FRMD3: variants seen among roughly 807,000 people sequenced by gnomAD.
FRMD3 encodes FERM domain containing 3.
Under a neutral mutation model 70.2 loss-of-function variants are expected in FRMD3, and 33 were observed. The ratio of observed to expected loss-of-function variants is 0.47; its 90% CI spans 0.36 to 0.63. The LOEUF is 0.63. Ranked by LOEUF, FRMD3 falls within the 20% of genes least tolerant of loss-of-function variation. The pLI, the probability that FRMD3 is intolerant of heterozygous loss-of-function variation, is 0.00. For missense variants in FRMD3, 632 were observed against 711.4 expected, an observed-to-expected ratio of 0.89 and a Z score of 1.27; for synonymous variants, 279 against 255.9, an observed-to-expected ratio of 1.09 and a Z score of -0.86.
chr9:83,340,128 G>A (rs12001540), intron 5 of FRMD3, among the ~76,000 whole-genome samples: 32,328 of 152,000 alleles, frequency 0.21, 3,820 homozygotes, highest in Non-Finnish European at 0.26. Context: ...ATTGCTTGAG[G>A]TCAGAGTTTG....
chr9:83,285,801 G>A (rs572384762), intron 13 of FRMD3, among the ~76,000 whole-genome samples: 1 of 152,254 alleles, frequency 6.6e-6, no homozygotes, highest in South Asian at 2.1e-4. Context: ...TTTTCACCTA[G>A]AACAATTCCC....
intron 6 of FRMD3, among the ~76,000 whole-genome samples, chr9:83,328,870 T>C (rs891697486): frequency 9.2e-5 from 14 of 152,208 alleles, no homozygotes; most frequent in African/African-American, 2.7e-4. Context: ...TTCACTGTTA[T>C]AGTCTCATTG....
chr9:83,313,630 A>G (rs758918752), intron 7 of FRMD3, 30 bp downstream of exon 7: 1 of 1,548,160 alleles, frequency 6.5e-7, no homozygotes, highest in East Asian at 2.2e-5. Context: ...AACAACCATT[A>G]TATGGTGACC....
At chr9:83,257,645 C>T (rs1016340622) in intron 13 of FRMD3, among the ~76,000 whole-genome samples, 1 of 137,702 alleles carries the variant, frequency 7.3e-6, no homozygotes, top group African/African-American at 2.7e-5. Flanking sequence ...AGCCAAACTT[C>T]TCTCTTTCTC....
At chr9:83,272,809 A>G (rs1833628067) in intron 13 of FRMD3, among the ~76,000 whole-genome samples, 2 of 148,912 alleles carry the variant, frequency 1.3e-5, no homozygotes, top group Admixed American at 6.6e-5. Context: ...CTGGGATGTG[A>G]GGAGCGCCTC....
chr9:83,441,088 G>A (rs3915532), intron 1 of FRMD3, among the ~76,000 whole-genome samples: 16,813 of 152,116 alleles, frequency 0.11, 947 homozygotes, highest in Admixed American at 0.14. Flanking sequence ...GTGTGACCAC[G>A]ATCAGAAGAA....
chr9:83,436,315 G>A (rs79091939), intron 1 of FRMD3, among the ~76,000 whole-genome samples: 1 of 152,164 alleles, frequency 6.6e-6, no homozygotes, highest in South Asian at 2.1e-4. Context: ...ATTAAATAAA[G>A]TCATTGACAC....
intron 1 of FRMD3, among the ~76,000 whole-genome samples, chr9:83,429,865 C>T (rs544790688): frequency 4.6e-5 from 7 of 152,042 alleles, no homozygotes; most frequent in Non-Finnish European, 7.4e-5. Context: ...TGCAGAGATG[C>T]GAATGATTCT....
chr9:83,379,802 T>C (rs1825301142), intron 2 of FRMD3, among the ~76,000 whole-genome samples: 1 of 152,180 alleles, frequency 6.6e-6, no homozygotes, highest in Admixed American at 6.5e-5. Flanking sequence ...GACTATCAGA[T>C]GTGGTAGTAT....
chr9:83,407,101 T>C (rs1157621340), intron 1 of FRMD3, among the ~76,000 whole-genome samples: 1 of 152,216 alleles, frequency 6.6e-6, no homozygotes, highest in Non-Finnish European at 1.5e-5. Context: ...CGCTGACCTT[T>C]CTGTCCTCTG....
chr9:83,294,697 T>C (rs1834589608), intron 12 of FRMD3, among the ~76,000 whole-genome samples: 1 of 152,216 alleles, frequency 6.6e-6, no homozygotes, highest in African/African-American at 2.4e-5. Flanking sequence ...GACGCTTATA[T>C]GGGCAAACTT....
intron 1 of FRMD3, among the ~76,000 whole-genome samples, chr9:83,532,289 C>G (rs1587533120): frequency 6.6e-6 from 1 of 152,178 alleles, no homozygotes; most frequent in East Asian, 1.9e-4. Context: ...TCAACCACTT[C>G]ATGCCACTGT....
chr9:83,390,392 C>CA (rs1243527635), intron 1 of FRMD3, among the ~76,000 whole-genome samples: 1 of 152,270 alleles, frequency 6.6e-6, no homozygotes, highest in East Asian at 1.9e-4. Flanking sequence ...TGGCTCTCAG[C>CA]GGGAATGGTA....
chr9:83,323,611 G>A (rs887685356), intron 6 of FRMD3, among the ~76,000 whole-genome samples: 3 of 152,128 alleles, frequency 2.0e-5, no homozygotes, highest in Non-Finnish European at 4.4e-5. Flanking sequence ...CAGCATGAAG[G>A]CCCTCACCAG....
chr9:83,301,309 AC>A (rs1834917715), intron 10 of FRMD3, among the ~76,000 whole-genome samples: 1 of 152,058 alleles, frequency 6.6e-6, no homozygotes, highest in African/African-American at 2.4e-5. Flanking sequence ...AAAACTCCCC[AC>A]TAGCCCTACA....
At chr9:83,471,350 C>G (rs1828263738) in intron 1 of FRMD3, among the ~76,000 whole-genome samples, 1 of 152,168 alleles carries the variant, frequency 6.6e-6, no homozygotes, top group African/African-American at 2.4e-5. Flanking sequence ...AAACAGGCAA[C>G]TATCTTCACG....
intron 1 of FRMD3, among the ~76,000 whole-genome samples, chr9:83,409,417 C>A (rs1212919204): frequency 3.3e-5 from 5 of 151,956 alleles, no homozygotes; most frequent in African/African-American, 1.2e-4. Context: ...CCTTGTAACC[C>A]AACTTCTGCC....
At chr9:83,474,980 G>A (rs1828359664) in intron 1 of FRMD3, among the ~76,000 whole-genome samples, 1 of 152,136 alleles carries the variant, frequency 6.6e-6, no homozygotes, top group Admixed American at 6.6e-5. Flanking sequence ...CTACACCTGG[G>A]TAGGGAGATT....
At position 83,538,271 on chromosome 9, in the gene FRMD3, G is replaced by A. The variant is rs765087423; in HGVS notation, c.-40C>T. ...GGGAGCGAGCGGGAGGCTCAGGGCCGGCGCGGTGCTCGCCTGCGCGGACAC... is the reference window on the plus strand; with the variant it reads ...GGGAGCGAGCGGGAGGCTCAGGGCCAGCGCGGTGCTCGCCTGCGCGGACAC... On this transcript the variant is annotated 5_prime_UTR_variant, in exon 1 of 14. Transcript: ENST00000304195. This position sits in a 1 kb window ranked among gnomAD's most constrained non-coding sequence, Gnocchi z 4.7. 5.2e-5 allele frequency: 80 copies of A among 1,531,026 alleles called. No individual in the cohort carries two copies. In the East Asian group the frequency reaches 1.8e-3, roughly 35 times the overall value. 94.8% of individuals were successfully genotyped at this position (1,531,026 alleles called of 1,614,324 possible).
Sources: allele counts gnomAD v4.1 joint callset (sites outside exome capture counted in the v4.1 genomes callset), GRCh38; gene constraint gnomAD v4.1.1; non-coding constraint Gnocchi (gnomAD v3.1); transcripts MANE v1.5; gene names NCBI Gene and HGNC (gene_info 2026-07-23, HGNC 2026-07-21).